The following ANKRD55 variants were observed in gnomAD, a reference collection of about 807,000 sequenced individuals.
ANKRD55 encodes ankyrin repeat domain 55, also known as ankyrin repeat domain-containing protein 55.
ANKRD55 carries 41 observed loss-of-function variants against 60.6 expected under a neutral mutation model. The ratio of observed to expected loss-of-function variants is 0.68; its 90% CI spans 0.53 to 0.88. The LOEUF is 0.88. ANKRD55 is among the 40% of genes least tolerant of loss of function. The pLI, the probability that ANKRD55 is intolerant of heterozygous loss-of-function variation, is 0.00. For missense variants in ANKRD55, 732 were observed against 767.6 expected (o/e 0.95, Z 0.55); for synonymous variants, 264 against 290.3 (o/e 0.91, Z 0.92).
intron 7 of ANKRD55, among the ~76,000 whole-genome samples, chr5:56,135,056 A>G (rs569757878): frequency 3.9e-5 from 6 of 152,222 alleles, no homozygotes; most frequent in Non-Finnish European, 8.8e-5. Context: ...CCACTTATTC[A>G]TAATAAAAAC....
chr5:56,130,448 A>G (rs918166870), intron 7 of ANKRD55, among the ~76,000 whole-genome samples: 46 of 152,208 alleles, frequency 3.0e-4, no homozygotes, highest in Admixed American at 2.6e-3. Flanking sequence ...CACATTCCAG[A>G]GGCATAGGTT....
chr5:56,187,783 A>G (rs1387590473), intron 2 of ANKRD55, among the ~76,000 whole-genome samples: 1 of 152,064 alleles, frequency 6.6e-6, no homozygotes, highest in African/African-American at 2.4e-5. Context: ...GAGCTATAAC[A>G]CTCACTGCAT....
At chr5:56,170,386 C>T (rs1471655) in intron 5 of ANKRD55, among the ~76,000 whole-genome samples, 10,422 of 151,924 alleles carry the variant, frequency 0.069, 501 homozygotes, top group African/African-American at 0.13. Context: ...AACATGTGCT[C>T]GAAAAATAGT....
At chr5:56,135,364 T>TTTCTTTCC (rs1757564933) in intron 7 of ANKRD55, among the ~76,000 whole-genome samples, 1 of 130,036 alleles carries the variant, frequency 7.7e-6, no homozygotes, top group East Asian at 2.2e-4. Context: ...TCTTTCTTTC[T>TTTCTTTCC]TTCCTTCTTT....
chr5:56,218,470 A>T (rs554028019), intron 2 of ANKRD55, among the ~76,000 whole-genome samples: 1 of 152,268 alleles, frequency 6.6e-6, no homozygotes, highest in Non-Finnish European at 1.5e-5. Flanking sequence ...TCGAGGCAAG[A>T]CCCTCTACCA....
chr5:56,126,531 T>A (rs1350053940), intron 8 of ANKRD55, among the ~76,000 whole-genome samples: 1 of 151,996 alleles, frequency 6.6e-6, no homozygotes, highest in Non-Finnish European at 1.5e-5. Flanking sequence ...ATACAAAGTC[T>A]CTATTATGTT....
intron 5 of ANKRD55, 95 bp downstream of exon 5, chr5:56,170,599 C>CT (rs933386669): frequency 5.7e-6 from 5 of 870,350 alleles, no homozygotes; most frequent in African/African-American, 3.5e-5. Flanking sequence ...TTTTCTTTTT[C>CT]TTTTTTTATC....
chr5:56,144,338 G>C (rs1004690864), intron 6 of ANKRD55, among the ~76,000 whole-genome samples: 2 of 152,184 alleles, frequency 1.3e-5, no homozygotes, highest in Admixed American at 1.3e-4. Context: ...AAGAAATGGA[G>C]GAAGAGGACA....
At chr5:56,165,321 G>A (rs1462364419) in intron 5 of ANKRD55, among the ~76,000 whole-genome samples, 2 of 152,172 alleles carry the variant, frequency 1.3e-5, no homozygotes, top group Non-Finnish European at 2.9e-5. Flanking sequence ...GCATTTACAT[G>A]GGCCTGTGTC....
chr5:56,210,394 C>A (rs1264314599), intron 2 of ANKRD55, among the ~76,000 whole-genome samples: 2 of 151,730 alleles, frequency 1.3e-5, no homozygotes, highest in South Asian at 2.1e-4. Context: ...AACCCCGTCT[C>A]TACTAAAAAT....
intron 7 of ANKRD55, 140 bp downstream of exon 7, chr5:56,143,661 G>T: frequency 8.2e-7 from 1 of 1,219,012 alleles, no homozygotes; most frequent in Non-Finnish European, 1.2e-6. Flanking sequence ...TTTGCATCTT[G>T]GCAGGGTTTC....
chr5:56,105,153 C>T (rs1477450943), intron 10 of ANKRD55, among the ~76,000 whole-genome samples: 3 of 148,870 alleles, frequency 2.0e-5, no homozygotes, highest in Non-Finnish European at 3.0e-5. Flanking sequence ...GTAGTGCCAT[C>T]GTGGCTCACG....
At chr5:56,158,591 C>G (rs1444096957) in intron 6 of ANKRD55, among the ~76,000 whole-genome samples, 1 of 152,148 alleles carries the variant, frequency 6.6e-6, no homozygotes, top group Non-Finnish European at 1.5e-5. Context: ...CTTCTACTTG[C>G]AACATGAATT....
At position 56,111,479 on chromosome 5, in the gene ANKRD55, C is replaced by T. The variant is rs759022770; in HGVS notation, c.1269G>A (p.Pro423=). 9.3e-6 allele frequency: 15 copies of T among 1,614,054 alleles called. No homozygotes were observed. Among genetic ancestry groups the T allele is most frequent in the African/African-American group, 5.3e-5 (4 of 74,992 alleles). The change falls in exon 10 of 12, where the codon CCG becomes CCA. Residue 423 remains proline (P), a synonymous_variant. Coordinates refer to ENST00000341048, the MANE Select transcript of ANKRD55 (RefSeq NM_024669.3). ...NSKYLLPEKK[P]LARKGLPPIR... is the part of the protein sequence containing the mutation. ...TTGGTGGAAGCCCCTTACGGGCCAG[C>T]GGTTTCTTTTCTGGTAAGAGATATT...
rs928887335 is a variant in ANKRD55 at position 56,133,565 on chromosome 5, G to A, written c.613-6459C>T. ...TTCACCGAGATAGACTACAGTCTGGGCCATAAAACAAACCTTAACAAAAGT... is the reference window on the plus strand; with the variant it reads ...TTCACCGAGATAGACTACAGTCTGGACCATAAAACAAACCTTAACAAAAGT... On this transcript the variant is annotated intron_variant, in intron 7 of 11. Coordinates refer to ENST00000341048, the MANE Select transcript of ANKRD55 (RefSeq NM_024669.3). 1.9e-5 allele frequency among the ~76,000 whole-genome samples: 2 copies of A among 107,280 alleles called. 1 individual carries two copies. The highest frequency in any genetic ancestry group is 4.3e-5 in the Non-Finnish European group (2 of 46,012). 70.4% of individuals were successfully genotyped at this position (107,280 alleles called of 152,430 possible). A position where few individuals can be genotyped will look rare whatever the true frequency, so the allele number is the denominator to read the frequency against.
chr5:56,211,066 A>G (rs1234104860), intron 2 of ANKRD55, among the ~76,000 whole-genome samples: 1 of 152,160 alleles, frequency 6.6e-6, no homozygotes, highest in Non-Finnish European at 1.5e-5. Flanking sequence ...GGTACAGCCA[A>G]AGGCCATTTC....
At chr5:56,213,725 G>C (rs138719934) in intron 2 of ANKRD55, among the ~76,000 whole-genome samples, 81 of 152,284 alleles carry the variant, frequency 5.3e-4, no homozygotes, top group African/African-American at 1.9e-3. Context: ...TATCCAGAAG[G>C]CGTCGTAGTC....
At chr5:56,165,870 G>A (rs1758434957) in intron 5 of ANKRD55, among the ~76,000 whole-genome samples, 1 of 152,044 alleles carries the variant, frequency 6.6e-6, no homozygotes, top group South Asian at 2.1e-4. Flanking sequence ...CGCAGTTTGT[G>A]GTAAGCCAAG....
At chr5:56,158,723 T>G (rs1428986032) in intron 6 of ANKRD55, among the ~76,000 whole-genome samples, 1 of 152,202 alleles carries the variant, frequency 6.6e-6, no homozygotes, top group Non-Finnish European at 1.5e-5. Flanking sequence ...GGACAGGATG[T>G]CACTCTGTCA....
Sources: allele counts gnomAD v4.1 joint callset (sites outside exome capture counted in the v4.1 genomes callset), GRCh38; gene constraint gnomAD v4.1.1; transcripts MANE v1.5; gene names NCBI Gene and HGNC (gene_info 2026-07-23, HGNC 2026-07-21).